Variants in TENM3 observed in about 807,000 individuals in gnomAD.
TENM3 encodes the protein teneurin transmembrane protein 3, also known as teneurin-3.
TENM3 carries 63 observed loss-of-function variants against 255.1 expected under a neutral mutation model. The observed-to-expected ratio is 0.25, with a 90% CI of 0.20 to 0.30. TENM3 has a LOEUF of 0.30. Ranked by LOEUF, TENM3 falls within the 10% of genes least tolerant of loss-of-function variation. The pLI is 1.00. For synonymous variants in TENM3, 1,306 were observed against 1,322.3 expected, an observed-to-expected ratio of 0.99 and a Z score of 0.27; for missense variants, 2,929 against 3,461.1, an observed-to-expected ratio of 0.85 and a Z score of 3.86.
At chr4:181,637,163 C>T in the TENM3 span, among the ~76,000 whole-genome samples, 3 of 152,214 alleles carry the variant, frequency 2.0e-5, no homozygotes, top group Non-Finnish European at 4.4e-5. Flanking sequence ...TCCTCAGCAA[C>T]TCCTATCCTT....
the TENM3 span, among the ~76,000 whole-genome samples, chr4:181,616,499 TATA>T: frequency 2.2e-3 from 322 of 149,448 alleles, 2 homozygotes; most frequent in Admixed American, 6.4e-3. Context: ...CCATTATCCA[TATA>T]ATATTATAAT....
intron 3 of TENM3, among the ~76,000 whole-genome samples, chr4:182,419,596 A>G (rs1367097021): frequency 2.0e-5 from 3 of 152,192 alleles, no homozygotes; most frequent in Admixed American, 6.5e-5. Flanking sequence ...CACTATTCAC[A>G]ATAGCAAAGA....
At chr4:181,667,235 C>A in the TENM3 span, among the ~76,000 whole-genome samples, 2 of 152,064 alleles carry the variant, frequency 1.3e-5, no homozygotes, top group African/African-American at 4.8e-5. Context: ...TCCATTAATT[C>A]CTACTTTCAG....
chr4:181,570,885 G>T, the TENM3 span, among the ~76,000 whole-genome samples: 1 of 152,234 alleles, frequency 6.6e-6, no homozygotes, highest in Non-Finnish European at 1.5e-5. Flanking sequence ...CCTCCGTGAA[G>T]TTCTGACCCT....
At chr4:182,600,285 ATGTGATTCAGTC>A (rs1245587397) in intron 3 of TENM3, among the ~76,000 whole-genome samples, 3 of 152,162 alleles carry the variant, frequency 2.0e-5, no homozygotes, top group Non-Finnish European at 2.9e-5. Flanking sequence ...TTGTAATCAG[ATGTGATTCAGTC>A]TGTTAAGTAC....
intron 3 of TENM3, among the ~76,000 whole-genome samples, chr4:182,370,229 A>G (rs1019690127): frequency 1.2e-4 from 19 of 152,346 alleles, no homozygotes; most frequent in African/African-American, 4.3e-4. Flanking sequence ...TGGTAAGAAA[A>G]GTTAGATTTA....
At chr4:182,253,327 T>C (rs1035106652) in intron 1 of TENM3, among the ~76,000 whole-genome samples, 1 of 152,036 alleles carries the variant, frequency 6.6e-6, no homozygotes, top group Non-Finnish European at 1.5e-5. Flanking sequence ...CAAAGAGTTA[T>C]CCGGGTGTAG....
the TENM3 span, among the ~76,000 whole-genome samples, chr4:181,898,833 T>C: frequency 1.3e-5 from 2 of 152,300 alleles, no homozygotes; most frequent in African/African-American, 4.8e-5. Context: ...TCATTCACTA[T>C]TTTTCAAAGT....
chr4:182,130,845 A>C, the TENM3 span, among the ~76,000 whole-genome samples: 1 of 152,184 alleles, frequency 6.6e-6, no homozygotes, highest in African/African-American at 2.4e-5. Context: ...AATTGGTTAG[A>C]TAAATGAAAG....
chr4:181,508,892 C>CTTT, the TENM3 span, among the ~76,000 whole-genome samples: 417 of 53,818 alleles, frequency 7.7e-3, 81 homozygotes, highest in African/African-American at 0.029. Context: ...ATTTCCAACA[C>CTTT]TTTTTTTTTT....
At chr4:182,729,659 G>C (rs1406355847) in intron 14 of TENM3, among the ~76,000 whole-genome samples, 1 of 152,194 alleles carries the variant, frequency 6.6e-6, no homozygotes, top group South Asian at 2.1e-4. Context: ...GTAAGTGAAA[G>C]CAGGTGTCTT....
intron 1 of TENM3, among the ~76,000 whole-genome samples, chr4:182,169,720 C>A (rs769265668): frequency 7.9e-5 from 12 of 151,984 alleles, no homozygotes; most frequent in Non-Finnish European, 1.8e-4. Flanking sequence ...AAGACCTCTC[C>A]TGTGGGGGTT....
At chr4:182,650,889 A>ATATATATATAT (rs1554007797) in intron 5 of TENM3, among the ~76,000 whole-genome samples, 3 of 29,722 alleles carry the variant, frequency 1.0e-4, no homozygotes, top group Non-Finnish European at 1.7e-4. Flanking sequence ...AATAAAAAAA[A>ATATATATATAT]ATATATATAT....
At chr4:182,451,806 A>G (rs1773483201) in intron 3 of TENM3, among the ~76,000 whole-genome samples, 1 of 152,242 alleles carries the variant, frequency 6.6e-6, no homozygotes, top group African/African-American at 2.4e-5. Flanking sequence ...AGCTCTGATC[A>G]GCAATTAAGA....
chr4:182,680,291 A>T lies in TENM3; in HGVS notation c.1581A>T (p.Glu527Asp). The T allele has an allele frequency of 6.2e-7, 1 of 1,613,942 alleles. No homozygotes were observed. Among genetic ancestry groups the T allele is most frequent in the Non-Finnish European group, 8.5e-7 (1 of 1,179,880 alleles). ...CCCGAAATTGCCATGGAAATGGAGAATGCGTTTCTGGAACTTGCCATTGTT... is the reference window on the plus strand; with the variant it reads ...CCCGAAATTGCCATGGAAATGGAGATTGCGTTTCTGGAACTTGCCATTGTT... ...ECPRNCHGNG[E>D]CVSGTCHCFP... Residue 527 changes from glutamate (E) to aspartate (D), a missense_variant, in exon 9 of 28, where the codon GAA becomes GAT. Around this residue, in one of 6 missense-constraint regions of TENM3, gnomAD observed 1,608 missense variants for 1,884.4 expected, o/e 0.85. Coordinates refer to ENST00000511685, the MANE Select transcript of TENM3 (RefSeq NM_001080477.4).
At chr4:181,737,561 A>G in the TENM3 span, among the ~76,000 whole-genome samples, 1 of 152,162 alleles carries the variant, frequency 6.6e-6, no homozygotes, top group Non-Finnish European at 1.5e-5. Flanking sequence ...CTGACAGCAC[A>G]TGAAGAGGCA....
chr4:182,534,635 T>C (rs1580856311), intron 3 of TENM3, among the ~76,000 whole-genome samples: 3 of 152,350 alleles, frequency 2.0e-5, no homozygotes. Flanking sequence ...TCCTGTTTTA[T>C]ATATAAGAGC....
chr4:181,879,770 A>C, the TENM3 span, among the ~76,000 whole-genome samples: 1 of 152,206 alleles, frequency 6.6e-6, no homozygotes, highest in Non-Finnish European at 1.5e-5. Context: ...CTGAACTCTT[A>C]TTCCCTCTCA....
chr4:182,570,292 A>G (rs1744227161), intron 3 of TENM3, among the ~76,000 whole-genome samples: 1 of 152,180 alleles, frequency 6.6e-6, no homozygotes, highest in Non-Finnish European at 1.5e-5. Flanking sequence ...CTTGGATAAT[A>G]TTGATTGGGA....
Sources: allele counts gnomAD v4.1 joint callset (sites outside exome capture counted in the v4.1 genomes callset), GRCh38; gene constraint gnomAD v4.1.1; regional missense constraint gnomAD v4.1.1; transcripts MANE v1.5; gene names NCBI Gene and HGNC (gene_info 2026-07-23, HGNC 2026-07-21).